The following SRRM4 variants were observed in gnomAD, a reference collection of about 807,000 sequenced individuals.
SRRM4 encodes the protein serine/arginine repetitive matrix 4, also known as serine/arginine repetitive matrix protein 4.
Under a neutral mutation model 68.9 loss-of-function variants are expected in SRRM4, and 33 were observed. The observed-to-expected ratio is 0.48, with a 90% confidence interval of 0.36 to 0.64. The LOEUF is 0.64. Ranked by LOEUF, SRRM4 falls within the 30% of genes least tolerant of loss-of-function variation. The pLI, the probability that SRRM4 is intolerant of heterozygous loss-of-function variation, is 0.00. For synonymous variants in SRRM4, 318 were observed against 318.8 expected (o/e 1.00, Z 0.03); for missense variants, 817 against 827.1 (o/e 0.99, Z 0.15).
chr12:119,055,429 A>G (rs768855371), intron 1 of SRRM4, among the ~76,000 whole-genome samples: 5 of 151,778 alleles, frequency 3.3e-5, no homozygotes, highest in Non-Finnish European at 5.9e-5. Context: ...TAAGAAGCAT[A>G]TTTTAGTTCA....
At chr12:119,053,825 A>G (rs1953760120) in intron 1 of SRRM4, among the ~76,000 whole-genome samples, 1 of 152,158 alleles carries the variant, frequency 6.6e-6, no homozygotes. Flanking sequence ...GCAAAGTGTA[A>G]TTATCACATC....
chr12:119,003,456 C>A (rs901903988), intron 1 of SRRM4, among the ~76,000 whole-genome samples: 9 of 151,832 alleles, frequency 5.9e-5, no homozygotes, highest in Admixed American at 5.9e-4. Flanking sequence ...AAAATGAGGG[C>A]AATTTTATAC....
In SRRM4 at chr12:119,079,762, G is replaced by A. The variant is rs150882385; in HGVS notation, c.132-22474G>A. ...TTAAAAAGTGCTGGTTATTATGCCC[G>A]ATCCTTTCCACCCATGAAACTGTTG... On this transcript the variant is annotated intron_variant, in intron 1 of 12. Coordinates refer to ENST00000267260, the MANE Select transcript of SRRM4 (RefSeq NM_194286.4). 3.3e-5 allele frequency among the ~76,000 whole-genome samples: 5 copies of A among 152,176 alleles called. No homozygotes were observed. The East Asian group carries it at 7.7e-4, about 24-fold the overall frequency.
At chr12:119,111,355 T>C (rs1954142151) in intron 2 of SRRM4, among the ~76,000 whole-genome samples, 1 of 152,202 alleles carries the variant, frequency 6.6e-6, no homozygotes, top group Non-Finnish European at 1.5e-5. Flanking sequence ...TTGGGATTTA[T>C]TGAGGGAGTT....
At chr12:119,050,788 C>A (rs1466715181) in intron 1 of SRRM4, among the ~76,000 whole-genome samples, 1 of 151,898 alleles carries the variant, frequency 6.6e-6, no homozygotes, top group Non-Finnish European at 1.5e-5. Context: ...CTGTACTGTC[C>A]AATATGGTAG....
At chr12:119,129,638 TG>T (rs1954281553) in intron 7 of SRRM4, among the ~76,000 whole-genome samples, 1 of 152,220 alleles carries the variant, frequency 6.6e-6, no homozygotes, top group Non-Finnish European at 1.5e-5. Flanking sequence ...ACTGAATAAC[TG>T]AATCTGGATG....
Position 119,156,871 on chromosome 12 carries a change from C to T in SRRM4, c.*73C>T, listed in dbSNP as rs536617355. The T allele has an allele frequency of 2.1e-5, 30 of 1,450,352 alleles. No individual in the cohort carries two copies. The South Asian group carries it at 3.6e-4, about 17-fold the overall frequency. The allele number at this position is 1,450,352 out of a possible 1,614,324, so 89.8% of individuals were successfully genotyped here. A position where few individuals can be genotyped will look rare whatever the true frequency, so the allele number is the denominator to read the frequency against. On this transcript the variant is annotated 3_prime_UTR_variant, in exon 13 of 13. Transcript: ENST00000267260. ...TCCCCCAACCACCTGCCCTCCCCGC[C>T]TTCTTGGTGACAAATAGTGAGGGCT...
chr12:119,099,847 A>G (rs566970435), intron 1 of SRRM4, among the ~76,000 whole-genome samples: 46 of 152,312 alleles, frequency 3.0e-4, no homozygotes, highest in African/African-American at 1.1e-3. Flanking sequence ...GGCTACCACC[A>G]GAATCATCAA....
chr12:119,007,034 A>T (rs1027382888), intron 1 of SRRM4, among the ~76,000 whole-genome samples: 1 of 152,168 alleles, frequency 6.6e-6, no homozygotes, highest in Non-Finnish European at 1.5e-5. Flanking sequence ...GGTCAGCTTT[A>T]TGGATTTGCA....
At chr12:119,052,113 C>T (rs778145583) in intron 1 of SRRM4, among the ~76,000 whole-genome samples, 1 of 152,202 alleles carries the variant, frequency 6.6e-6, no homozygotes, top group Non-Finnish European at 1.5e-5. Flanking sequence ...TCTTTCTCCT[C>T]AAGAGGCTGA....
intron 1 of SRRM4, among the ~76,000 whole-genome samples, chr12:119,035,527 CTG>C (rs759186350): frequency 4.6e-5 from 7 of 152,186 alleles, no homozygotes; most frequent in South Asian, 2.1e-4. Context: ...AATCCATGCT[CTG>C]TATCTTTTAC....
rs548335674 is a variant in SRRM4 at position 119,094,368 on chromosome 12, TC to T, written c.132-7863del. The stretch of plus-strand genomic sequence containing the variant: ...GTTAGAAATGCAGAAACTCAGGCCC[TC>T]CCCCAGACCTACTGAAGAATCAGCA... On this transcript the variant is annotated intron_variant, in intron 1 of 12. Transcript: ENST00000267260. 2.5e-3 allele frequency among the ~76,000 whole-genome samples: 382 copies of T among 152,178 alleles called. 1 individual carries two copies. Among genetic ancestry groups the T allele is most frequent in the African/African-American group, 8.8e-3 (364 of 41,520 alleles).
chr12:119,137,102 C>CT (rs373994308), intron 8 of SRRM4, among the ~76,000 whole-genome samples: 162 of 144,356 alleles, frequency 1.1e-3, no homozygotes, highest in South Asian at 4.0e-3. Flanking sequence ...GAAACAAAAG[C>CT]TTTTTTTTTT....
intron 1 of SRRM4, among the ~76,000 whole-genome samples, chr12:119,003,409 T>TAAAA (rs1337326229): frequency 6.6e-6 from 1 of 151,898 alleles, no homozygotes; most frequent in East Asian, 2.0e-4. Context: ...GGACATGCCA[T>TAAAA]AAAAGATTGA....
intron 7 of SRRM4, among the ~76,000 whole-genome samples, chr12:119,128,450 C>T (rs951747813): frequency 1.3e-5 from 2 of 152,202 alleles, no homozygotes; most frequent in African/African-American, 4.8e-5. Context: ...AACCACCTAT[C>T]ACCAGCCCAA....
At chr12:119,073,775 G>A (rs1953892638) in intron 1 of SRRM4, among the ~76,000 whole-genome samples, 2 of 152,068 alleles carry the variant, frequency 1.3e-5, no homozygotes, top group African/African-American at 4.8e-5. Context: ...CATACCCTCT[G>A]TGCCCTGCTA....
chr12:119,155,978 TTCAG>T (rs1251365921), intron 12 of SRRM4, among the ~76,000 whole-genome samples: 1 of 152,208 alleles, frequency 6.6e-6, no homozygotes, highest in East Asian at 1.9e-4. Flanking sequence ...GATTAACCCA[TTCAG>T]TGTTTCCCAA....
At chr12:119,077,941 A>G (rs1212211912) in intron 1 of SRRM4, among the ~76,000 whole-genome samples, 1 of 152,184 alleles carries the variant, frequency 6.6e-6, no homozygotes, top group African/African-American at 2.4e-5. Flanking sequence ...TGATCTCTCA[A>G]TCTTCACTTC....
At chr12:119,016,712 A>G (rs1953484089) in intron 1 of SRRM4, among the ~76,000 whole-genome samples, 1 of 152,034 alleles carries the variant, frequency 6.6e-6, no homozygotes, top group Non-Finnish European at 1.5e-5. Flanking sequence ...CTGACTTTGC[A>G]TTGTTTGTTT....
Sources: gnomAD v4.1 joint callset for allele counts (sites outside exome capture counted in the v4.1 genomes callset) on GRCh38, gnomAD v4.1.1 for gene constraint, MANE v1.5 for transcripts, NCBI Gene and HGNC (gene_info 2026-07-23, HGNC 2026-07-21) for gene names.